DENND1A: variants seen among roughly 807,000 people sequenced by gnomAD.
The protein encoded by DENND1A is DENN domain containing 1A.
A neutral mutation model predicts 113.7 loss-of-function variants in DENND1A; 51 were observed. That is an observed-to-expected ratio of 0.45 (90% CI 0.36 to 0.57). The LOEUF (loss-of-function observed/expected upper bound fraction) is 0.57, where lower values mean the gene tolerates loss of function less well. Among genes scored for constraint, DENND1A ranks in the 20% least tolerant of loss-of-function variants. The probability of loss-of-function intolerance (pLI) is 0.00; values close to 1 mark genes in which losing one functional copy is unlikely to be tolerated. For synonymous variants in DENND1A, 565 were observed against 570.8 expected (o/e 0.99, Z 0.14); for missense variants, 1,258 against 1,395.9 (o/e 0.90, Z 1.57).
rs1217953681 is a variant in DENND1A, at chr9:123,381,909, TG to T, written c.2735del (p.Pro912GlnfsTer92). 1 of 714,004 alleles carries T rather than the reference TG, an allele frequency of 1.4e-6. No individual in the cohort carries two copies. The highest frequency in any genetic ancestry group is 3.6e-5 in the African/African-American group (1 of 27,616). The allele number at this position is 714,004 out of a possible 1,614,324, so 44.2% of individuals were successfully genotyped here. Reference sequence around the variant, plus strand: ...CTGGAGGGGCCCCGAAAGGCCCGGCTGGTGTGGAGACCAGGGGCAGGGTGGG... The same window carrying T: ...CTGGAGGGGCCCCGAAAGGCCCGGCTGTGTGGAGACCAGGGGCAGGGTGGG... ...APPTLPLVST[P>X]AGPFGAPPAS... On this transcript the variant is annotated frameshift_variant, in exon 24 of 24. Coordinates refer to ENST00000394215, the MANE Select transcript of DENND1A (RefSeq NM_001352964.2). LOFTEE classifies it high-confidence loss of function. The surrounding 1 kb of genome is among the most constrained non-coding windows in gnomAD (Gnocchi z 4.7).
At chr9:123,729,384 T>C (rs1170919366) in intron 5 of DENND1A, among the ~76,000 whole-genome samples, 4 of 152,222 alleles carry the variant, frequency 2.6e-5, no homozygotes, top group Admixed American at 2.6e-4. Flanking sequence ...GCTCAAAATC[T>C]CCTTAAGCTG....
chr9:123,583,305 T>C (rs757169590), intron 11 of DENND1A, 35 bp from the exon 12 acceptor site: 3 of 1,527,906 alleles, frequency 2.0e-6, no homozygotes, highest in Admixed American at 1.7e-5. Flanking sequence ...GAGAAGGTCA[T>C]TGAGGTGCCA....
intron 2 of DENND1A, among the ~76,000 whole-genome samples, chr9:123,796,409 C>G (rs557208341): frequency 1.3e-5 from 2 of 152,150 alleles, no homozygotes; most frequent in Non-Finnish European, 2.9e-5. Flanking sequence ...AACTGATCTC[C>G]TAAACAAACA....
chr9:123,674,332 T>C (rs570852237), intron 6 of DENND1A, among the ~76,000 whole-genome samples: 1 of 118,514 alleles, frequency 8.4e-6, no homozygotes, highest in South Asian at 2.6e-4. Context: ...TCTCTGTCTC[T>C]GTCTCTCTCT....
At chr9:123,584,782 T>A (rs1290970783) in intron 11 of DENND1A, among the ~76,000 whole-genome samples, 2 of 152,108 alleles carry the variant, frequency 1.3e-5, no homozygotes, top group Non-Finnish European at 2.9e-5. Context: ...CACCTCCTCA[T>A]CGTCAGACAC....
At chr9:123,388,790 G>GGCA (rs201062263) in intron 21 of DENND1A, among the ~76,000 whole-genome samples, 2,980 of 152,346 alleles carry the variant, frequency 0.02, 52 homozygotes, top group African/African-American at 0.04. Flanking sequence ...AGCTGGACCA[G>GGCA]GCAGATCTGG....
intron 4 of DENND1A, among the ~76,000 whole-genome samples, chr9:123,768,810 A>AG (rs57359983): frequency 0.16 from 24,434 of 149,242 alleles, 3,712 homozygotes; most frequent in African/African-American, 0.4. Flanking sequence ...AAAAAAAAAA[A>AG]CTCCTCTAAA....
chr9:123,555,018 A>G (rs1253831907), intron 13 of DENND1A, among the ~76,000 whole-genome samples: 2 of 152,230 alleles, frequency 1.3e-5, no homozygotes, highest in Non-Finnish European at 2.9e-5. Context: ...AAATGCTGCT[A>G]CTGTGAACAC....
intron 19 of DENND1A, among the ~76,000 whole-genome samples, chr9:123,429,484 T>C (rs1057325470): frequency 6.6e-6 from 1 of 152,044 alleles, no homozygotes; most frequent in Admixed American, 6.6e-5. Flanking sequence ...GAACCTGGGA[T>C]GTGGAGGTTG....
chr9:123,639,371 A>G (rs2138988164), intron 9 of DENND1A, among the ~76,000 whole-genome samples: 1 of 149,928 alleles, frequency 6.7e-6, no homozygotes, highest in East Asian at 2.0e-4. Flanking sequence ...CCCGAGAGGC[A>G]GATGTTGCAG....
intron 5 of DENND1A, among the ~76,000 whole-genome samples, chr9:123,730,880 G>A (rs529909814): frequency 6.6e-6 from 1 of 152,262 alleles, no homozygotes; most frequent in South Asian, 2.1e-4. Context: ...TGATAGACTG[G>A]ATAAAGAAAA....
intron 3 of DENND1A, among the ~76,000 whole-genome samples, chr9:123,776,702 A>C (rs1830523368): frequency 6.6e-6 from 1 of 152,192 alleles, no homozygotes; most frequent in East Asian, 1.9e-4. Context: ...CAAAACCTTA[A>C]AAAAATTTTT....
chr9:123,903,679 C>T (rs1189699446), intron 1 of DENND1A, among the ~76,000 whole-genome samples: 15 of 152,210 alleles, frequency 9.9e-5, no homozygotes, highest in Non-Finnish European at 1.6e-4. Context: ...TAAAAAACGG[C>T]GCACCACGAT....
chr9:123,517,202 G>A (rs1245299359), intron 13 of DENND1A, among the ~76,000 whole-genome samples: 1 of 149,846 alleles, frequency 6.7e-6, no homozygotes. Flanking sequence ...GCAGTGAGCC[G>A]AGATCGCACC....
Position 123,789,506 on chromosome 9 carries a change from A to G in DENND1A, c.132+3081T>C, listed in dbSNP as rs528676858. Among the ~76,000 whole-genome samples, 44 of 152,240 alleles carry G rather than the reference A, an allele frequency of 2.9e-4. No homozygotes were observed. In the East Asian group the frequency reaches 6.4e-3, roughly 22 times the overall value. The stretch of plus-strand genomic sequence containing the variant: ...GTGATGGATCATTTATTCTGCTTCT[A>G]AACGAGAAGCAAAAAGATGAAACTG... On this transcript the variant is annotated intron_variant, in intron 3 of 23. Coordinates refer to ENST00000394215, the MANE Select transcript of DENND1A (RefSeq NM_001352964.2).
rs1365926396 is a variant in DENND1A, at chr9:123,575,950, G to A, written c.867+7219C>T. On this transcript the variant is annotated intron_variant, in intron 12 of 23. Transcript: ENST00000394215. ...CTGTAAATTGGAGTGTCTAGACAATGTATGTTTAATGTAAAAACCAACATA... is the reference window on the plus strand; with the variant it reads ...CTGTAAATTGGAGTGTCTAGACAATATATGTTTAATGTAAAAACCAACATA... 3.9e-5 allele frequency among the ~76,000 whole-genome samples: 6 copies of A among 152,254 alleles called. No individual in the cohort carries two copies. In the East Asian group the frequency reaches 9.6e-4, roughly 24 times the overall value.
At chr9:123,447,920 C>T (rs1179221367) in intron 18 of DENND1A, among the ~76,000 whole-genome samples, 1 of 152,128 alleles carries the variant, frequency 6.6e-6, no homozygotes, top group Non-Finnish European at 1.5e-5. Context: ...GCGAACAATG[C>T]TAGAGTTTCA....
chr9:123,515,111 A>C (rs13289717), intron 13 of DENND1A, among the ~76,000 whole-genome samples: 2 of 152,252 alleles, frequency 1.3e-5, no homozygotes, highest in African/African-American at 4.8e-5. Context: ...CCTACATGAA[A>C]CGGTACTAAA....
At position 123,875,256 on chromosome 9, in the gene DENND1A, A is replaced by T. The variant is rs79574816; in HGVS notation, c.88+3695T>A. 5.2e-3 allele frequency among the ~76,000 whole-genome samples: 798 copies of T among 152,286 alleles called. 2 individuals are homozygous for T. The highest frequency in any genetic ancestry group is 8.4e-3 in the Non-Finnish European group (574 of 68,022). ...AGAGATGATTATCATAAAAGTCAGG[A>T]TAGTAGTTACCTCTGAAGGCAGGGA... On this transcript the variant is annotated intron_variant, in intron 2 of 23. Transcript: ENST00000394215.
Sources: gnomAD v4.1 joint callset for allele counts (sites outside exome capture counted in the v4.1 genomes callset) on GRCh38, gnomAD v4.1.1 for gene constraint, Gnocchi (gnomAD v3.1) non-coding constraint, MANE v1.5 for transcripts, NCBI Gene and HGNC (gene_info 2026-07-23, HGNC 2026-07-21) for gene names.